The following CSMD1 variants were observed in gnomAD, a reference collection of about 807,000 sequenced individuals.
CSMD1 encodes the protein CUB and sushi domain-containing protein 1.
A neutral mutation model predicts 417.5 loss-of-function variants in CSMD1; 213 were observed. That is an observed-to-expected ratio of 0.51 (90% CI 0.46 to 0.57). The LOEUF is 0.57. Ranked by LOEUF, CSMD1 falls within the 20% of genes least tolerant of loss-of-function variation. The probability of loss-of-function intolerance (pLI) is 0.00; values close to 1 mark genes in which losing one functional copy is unlikely to be tolerated. For synonymous variants in CSMD1, 2,862 were observed against 1,736.8 expected (o/e 1.65, Z -16.11); for missense variants, 6,923 against 4,529.7 (o/e 1.53, Z -15.17).
At chr8:3,520,044 G>GTATATATA (rs1563116164) in intron 10 of CSMD1, among the ~76,000 whole-genome samples, 1 of 137,332 alleles carries the variant, frequency 7.3e-6, no homozygotes, top group African/African-American at 3.2e-5. Flanking sequence ...ATATATACAC[G>GTATATATA]TATAGTTGTG....
chr8:3,832,535 C>G (rs892685110), intron 5 of CSMD1, among the ~76,000 whole-genome samples: 7 of 151,988 alleles, frequency 4.6e-5, no homozygotes, highest in Non-Finnish European at 8.8e-5. Context: ...CTATTTTTGT[C>G]TTATTGTATA....
chr8:4,405,196 T>C (rs1804924357), intron 3 of CSMD1, among the ~76,000 whole-genome samples: 1 of 152,228 alleles, frequency 6.6e-6, no homozygotes, highest in African/African-American at 2.4e-5. Flanking sequence ...ACACAATGTA[T>C]TTTACTCAAA....
intron 20 of CSMD1, among the ~76,000 whole-genome samples, chr8:3,364,209 G>C (rs906265969): frequency 6.6e-6 from 1 of 151,966 alleles, no homozygotes. Flanking sequence ...TTGCAGCACA[G>C]TTTCTAGGCA....
intron 49 of CSMD1, among the ~76,000 whole-genome samples, chr8:3,080,936 CA>C (rs112825842): frequency 6.6e-6 from 1 of 150,520 alleles, no homozygotes; most frequent in East Asian, 1.9e-4. Flanking sequence ...ATGTCATTGG[CA>C]AAAAAAAGTG....
rs79626973 is a variant in CSMD1 at position 4,525,844 on chromosome 8, T to G, written c.303-105779A>C. Among the ~76,000 whole-genome samples the G allele has an allele frequency of 3.9e-4, 60 of 152,268 alleles. No homozygotes were observed. The East Asian group carries it at 8.9e-3, about 23-fold the overall frequency. ...GGCTTCCCAGGAGGCCCTCTTGACA[T>G]GTGTCCACAGTTCCATCGTGATTCT... On this transcript the variant is annotated intron_variant, in intron 2 of 69. Coordinates refer to ENST00000635120, the MANE Select transcript of CSMD1 (RefSeq NM_033225.6).
At chr8:3,963,987 G>C (rs923897107) in intron 5 of CSMD1, among the ~76,000 whole-genome samples, 2 of 152,146 alleles carry the variant, frequency 1.3e-5, no homozygotes, top group Non-Finnish European at 1.5e-5. Context: ...CAAACAGAAT[G>C]AGTTGAAGCA....
chr8:3,748,774 G>T (rs1188914729), intron 6 of CSMD1, among the ~76,000 whole-genome samples: 1 of 152,172 alleles, frequency 6.6e-6, no homozygotes, highest in African/African-American at 2.4e-5. Flanking sequence ...TCTTCATTTG[G>T]TATAAAGGTC....
At chr8:3,652,955 C>G (rs926659956) in intron 7 of CSMD1, among the ~76,000 whole-genome samples, 4 of 152,128 alleles carry the variant, frequency 2.6e-5, no homozygotes, top group African/African-American at 7.2e-5. Context: ...CCCTTATTTT[C>G]TCCTGACTGC....
chr8:3,551,172 T>C (rs1002680931), intron 10 of CSMD1, among the ~76,000 whole-genome samples: 10 of 152,218 alleles, frequency 6.6e-5, no homozygotes, highest in African/African-American at 2.4e-4. Context: ...GCCTATGGCA[T>C]AGGGCGTTCA....
At chr8:4,284,418 A>G (rs193284396) in intron 3 of CSMD1, among the ~76,000 whole-genome samples, 2 of 135,762 alleles carry the variant, frequency 1.5e-5, no homozygotes, top group African/African-American at 5.4e-5. Context: ...CAGGAGAGAC[A>G]AACACTGCGG....
intron 3 of CSMD1, among the ~76,000 whole-genome samples, chr8:4,312,433 ATATG>A (rs1798675215): frequency 7.2e-6 from 1 of 139,844 alleles, no homozygotes; most frequent in Non-Finnish European, 1.5e-5. Context: ...GCGTATATAT[ATATG>A]CGTATATATA....
chr8:3,090,847 G>T (rs1242817042), intron 48 of CSMD1, among the ~76,000 whole-genome samples: 2 of 152,156 alleles, frequency 1.3e-5, no homozygotes, highest in Non-Finnish European at 2.9e-5. Flanking sequence ...TTAAAGAATA[G>T]TGTGGTCAGA....
chr8:3,704,507 G>C (rs1052120130), intron 7 of CSMD1, among the ~76,000 whole-genome samples: 1 of 152,196 alleles, frequency 6.6e-6, no homozygotes, highest in Non-Finnish European at 1.5e-5. Context: ...CAGCTTTACA[G>C]ATTAGAAAAG....
intron 3 of CSMD1, among the ~76,000 whole-genome samples, chr8:4,246,887 T>G (rs1046981594): frequency 1.3e-5 from 2 of 152,170 alleles, no homozygotes; most frequent in African/African-American, 4.8e-5. Flanking sequence ...TTTTAAACAC[T>G]TTTTCCGTGC....
At chr8:3,844,852 G>A (rs1803388649) in intron 5 of CSMD1, among the ~76,000 whole-genome samples, 1 of 152,116 alleles carries the variant, frequency 6.6e-6, no homozygotes, top group Non-Finnish European at 1.5e-5. Context: ...AGGGAAAAAT[G>A]TCTCTTAAAA....
At chr8:3,025,425 A>G (rs958588373) in intron 51 of CSMD1, among the ~76,000 whole-genome samples, 5 of 149,554 alleles carry the variant, frequency 3.3e-5, no homozygotes, top group Non-Finnish European at 7.5e-5. Context: ...GTGTGGTGTT[A>G]TTCTGAAACC....
At position 3,741,232 on chromosome 8, in the gene CSMD1, A is replaced by C. The variant is rs984952850; in HGVS notation, c.931+12698T>G. Among the ~76,000 whole-genome samples, 945 of 151,152 alleles carry C rather than the reference A, an allele frequency of 6.3e-3. 10 individuals carry two copies. The highest frequency in any genetic ancestry group is 0.011 in the Non-Finnish European group (743 of 67,696). The stretch of plus-strand genomic sequence containing the variant: ...CCGTCTTAAAAAAAAAAAAAAAAAA[A>C]AAAAAAAAACATACAGAAGAAGAAG... On this transcript the variant is annotated intron_variant, in intron 6 of 69. Transcript: ENST00000635120.
intron 12 of CSMD1, among the ~76,000 whole-genome samples, chr8:3,457,743 A>G (rs1816247682): frequency 1.3e-5 from 2 of 152,210 alleles, no homozygotes; most frequent in East Asian, 1.9e-4. Context: ...GAAAAATAAT[A>G]AAGGTAATGA....
intron 25 of CSMD1, among the ~76,000 whole-genome samples, chr8:3,288,241 C>A (rs904049832): frequency 6.8e-6 from 1 of 147,196 alleles, no homozygotes; most frequent in Non-Finnish European, 1.5e-5. Flanking sequence ...CGATGTTCAT[C>A]AGGGATATTG....
Sources: allele counts gnomAD v4.1 joint callset (sites outside exome capture counted in the v4.1 genomes callset), GRCh38; gene constraint gnomAD v4.1.1; transcripts MANE v1.5; gene names NCBI Gene and HGNC (gene_info 2026-07-23, HGNC 2026-07-21).